FBXL17: variants seen among roughly 807,000 people sequenced by gnomAD.
FBXL17 encodes the protein F-box/LRR-repeat protein 17.
In FBXL17, 22 loss-of-function variants were observed where a neutral mutation model predicts 66.2. That is an observed-to-expected ratio of 0.33 (90% CI 0.24 to 0.47). FBXL17 has a LOEUF of 0.47. Among genes scored for constraint, FBXL17 ranks in the 20% least tolerant of loss-of-function variants. FBXL17 has a pLI of 1.00. For missense variants in FBXL17, 878 were observed against 948.2 expected, an observed-to-expected ratio of 0.93 and a Z score of 0.97; for synonymous variants, 474 against 400.5, an observed-to-expected ratio of 1.18 and a Z score of -2.19.
rs540509775 is a variant in FBXL17, at chr5:108,199,767, T to C, written c.1615-13520A>G. Among the ~76,000 whole-genome samples, 4 of 152,226 alleles carry C rather than the reference T, an allele frequency of 2.6e-5. No homozygotes were observed. The South Asian group carries it at 8.3e-4, about 32-fold the overall frequency. On this transcript the variant is annotated intron_variant, in intron 5 of 8. Coordinates refer to ENST00000542267, the MANE Select transcript of FBXL17 (RefSeq NM_001163315.3). ...GTGATTTCATGAAAGAAACGCAGAA[T>C]GACACAGAAAGGAAGATGTGTTGGT...
At chr5:108,117,659 G>A (rs143267366) in intron 6 of FBXL17, among the ~76,000 whole-genome samples, 3 of 152,154 alleles carry the variant, frequency 2.0e-5, no homozygotes, top group South Asian at 2.1e-4. Context: ...TTCAAAAAAC[G>A]TTGAGGTATT....
intron 6 of FBXL17, among the ~76,000 whole-genome samples, chr5:108,162,974 T>C (rs890873538): frequency 1.3e-5 from 2 of 152,182 alleles, no homozygotes; most frequent in Non-Finnish European, 2.9e-5. Context: ...CAAAGCACAG[T>C]GCCTAACATA....
chr5:108,115,141 G>C (rs981865681), intron 6 of FBXL17, among the ~76,000 whole-genome samples: 1 of 152,150 alleles, frequency 6.6e-6, no homozygotes, highest in Non-Finnish European at 1.5e-5. Context: ...TATTGTCCAA[G>C]TGCAATAAAC....
chr5:108,378,473 T>C (rs1382660953), intron 1 of FBXL17, among the ~76,000 whole-genome samples: 6 of 150,088 alleles, frequency 4.0e-5, no homozygotes, highest in Non-Finnish European at 8.9e-5. Flanking sequence ...TGTTTTCCAA[T>C]AGTGATGATA....
At chr5:108,242,349 TTTGTTGTTGTTGTTGTTGTTG>T (rs70996988) in intron 4 of FBXL17, among the ~76,000 whole-genome samples, 19 of 146,922 alleles carry the variant, frequency 1.3e-4, no homozygotes, top group African/African-American at 4.0e-4. Flanking sequence ...GCCTGGCTAG[TTTGTTGTTGTTGTTGTTGTTG>T]TTGTTGTTGT....
chr5:108,334,876 T>TA (rs1477207508), intron 4 of FBXL17, among the ~76,000 whole-genome samples: 1 of 152,166 alleles, frequency 6.6e-6, no homozygotes, highest in Non-Finnish European at 1.5e-5. Context: ...ACCGAAGTCT[T>TA]ACGCGGACCA....
intron 6 of FBXL17, among the ~76,000 whole-genome samples, chr5:108,152,354 A>G (rs919965247): frequency 4.6e-5 from 7 of 152,234 alleles, no homozygotes. Flanking sequence ...TTGGAAGGAC[A>G]CAATGGTGTC....
chr5:108,287,076 A>T (rs1320432694), intron 4 of FBXL17, among the ~76,000 whole-genome samples: 1 of 152,112 alleles, frequency 6.6e-6, no homozygotes, highest in East Asian at 1.9e-4. Context: ...CACATGCAGA[A>T]GATTGAAACT....
intron 7 of FBXL17, among the ~76,000 whole-genome samples, chr5:107,946,313 G>A (rs1175145638): frequency 1.1e-5 from 1 of 87,222 alleles, no homozygotes; most frequent in Non-Finnish European, 2.3e-5. Flanking sequence ...ATATATATTA[G>A]TGACAGAGTC....
intron 6 of FBXL17, among the ~76,000 whole-genome samples, chr5:108,108,645 T>C (rs1330746939): frequency 6.6e-6 from 1 of 152,160 alleles, no homozygotes; most frequent in African/African-American, 2.4e-5. Flanking sequence ...TACTTTGTTA[T>C]CCTCTCCAAT....
chr5:107,898,232 TGG>T (rs1178539850), intron 7 of FBXL17, among the ~76,000 whole-genome samples: 5 of 152,108 alleles, frequency 3.3e-5, no homozygotes, highest in African/African-American at 4.8e-5. Context: ...GAAGAAGAAT[TGG>T]TACCATAAAC....
intron 7 of FBXL17, among the ~76,000 whole-genome samples, chr5:107,965,287 G>C (rs935298388): frequency 2.0e-5 from 3 of 152,044 alleles, no homozygotes; most frequent in Non-Finnish European, 4.4e-5. Flanking sequence ...TTCAAAAGCA[G>C]TTTCTAAAGA....
intron 4 of FBXL17, among the ~76,000 whole-genome samples, chr5:108,248,607 G>A (rs150969019): frequency 6.6e-5 from 10 of 151,950 alleles, no homozygotes; most frequent in Admixed American, 6.6e-5. Context: ...CAAGATGAGC[G>A]AATGTTAAAC....
In FBXL17 at chr5:107,885,632, A is replaced by T. The variant is rs77862053; in HGVS notation, c.1823-4453T>A. The stretch of plus-strand genomic sequence containing the variant: ...AGGAATTAATTTGGAATGATTTTCA[A>T]ATCATTAAGTAAAACAAAAGCAGAG... On this transcript the variant is annotated intron_variant, in intron 7 of 8. Coordinates refer to ENST00000542267, the MANE Select transcript of FBXL17 (RefSeq NM_001163315.3). Among the ~76,000 whole-genome samples, 97 of 152,352 alleles carry T rather than the reference A, an allele frequency of 6.4e-4. 1 individual carries two copies. In the East Asian group the frequency reaches 0.01, roughly 16 times the overall value.
intron 6 of FBXL17, among the ~76,000 whole-genome samples, chr5:108,152,149 G>C (rs1383872103): frequency 2.0e-5 from 3 of 152,092 alleles, no homozygotes. Context: ...TTAACCAGAA[G>C]CACAAAATTT....
At chr5:108,305,518 G>T (rs1758796703) in intron 4 of FBXL17, among the ~76,000 whole-genome samples, 1 of 152,068 alleles carries the variant, frequency 6.6e-6, no homozygotes, top group Non-Finnish European at 1.5e-5. Flanking sequence ...TTGCTAAGCA[G>T]AAGTGAGGCC....
intron 8 of FBXL17, among the ~76,000 whole-genome samples, chr5:107,871,464 G>C (rs762264374): frequency 3.9e-5 from 6 of 152,176 alleles, no homozygotes; most frequent in Non-Finnish European, 7.4e-5. Context: ...GACTGTCAGA[G>C]AGAAAAATTA....
At chr5:108,114,590 T>C (rs938454766) in intron 6 of FBXL17, among the ~76,000 whole-genome samples, 1 of 152,220 alleles carries the variant, frequency 6.6e-6, no homozygotes, top group African/African-American at 2.4e-5. Flanking sequence ...TGTGGACATT[T>C]GTTTTTCAAA....
intron 6 of FBXL17, among the ~76,000 whole-genome samples, chr5:108,098,937 A>G (rs1561408826): frequency 6.6e-6 from 1 of 152,178 alleles, no homozygotes; most frequent in Admixed American, 6.5e-5. Flanking sequence ...CATTCTTCAG[A>G]GAATATAAGA....
Sources: allele counts gnomAD v4.1 joint callset (sites outside exome capture counted in the v4.1 genomes callset), GRCh38; gene constraint gnomAD v4.1.1; transcripts MANE v1.5; gene names NCBI Gene and HGNC (gene_info 2026-07-23, HGNC 2026-07-21).